TMEM117: variants seen among roughly 807,000 people sequenced by gnomAD.
The protein encoded by TMEM117 is transmembrane protein 117.
TMEM117 carries 27 observed loss-of-function variants against 52.4 expected under a neutral mutation model. The observed-to-expected ratio is 0.51, with a 90% CI of 0.38 to 0.71. The LOEUF (loss-of-function observed/expected upper bound fraction) is 0.71. Among genes scored for constraint, TMEM117 ranks in the 30% least tolerant of loss-of-function variants. The probability of loss-of-function intolerance (pLI) is 0.00; values close to 1 mark genes in which losing one functional copy is unlikely to be tolerated. For missense variants in TMEM117, 556 were observed against 630.5 expected, an observed-to-expected ratio of 0.88 and a Z score of 1.26; for synonymous variants, 215 against 206.3, an observed-to-expected ratio of 1.04 and a Z score of -0.36.
intron 5 of TMEM117, among the ~76,000 whole-genome samples, chr12:44,213,158 G>T (rs11612257): frequency 0.1 from 15,766 of 152,106 alleles, 921 homozygotes; most frequent in Middle Eastern, 0.2. Flanking sequence ...GCTTGAGGCA[G>T]CAGGCCAAAG....
At chr12:44,244,110 A>G (rs1359139614) in intron 5 of TMEM117, among the ~76,000 whole-genome samples, 2 of 151,966 alleles carry the variant, frequency 1.3e-5, no homozygotes, top group African/African-American at 4.8e-5. Flanking sequence ...CCTTTGACAT[A>G]CTAATTTCAA....
At chr12:44,115,402 A>G (rs1326940426) in intron 3 of TMEM117, among the ~76,000 whole-genome samples, 7 of 152,220 alleles carry the variant, frequency 4.6e-5, no homozygotes, top group Non-Finnish European at 1.0e-4. Flanking sequence ...GCACATGTAT[A>G]CATATGTACC....
At chr12:43,925,419 A>G (rs1944763401) in intron 2 of TMEM117, among the ~76,000 whole-genome samples, 1 of 152,114 alleles carries the variant, frequency 6.6e-6, no homozygotes, top group Non-Finnish European at 1.5e-5. Flanking sequence ...TAAAATCTCA[A>G]ACATTTATTT....
At chr12:44,197,389 A>C (rs1358031724) in intron 4 of TMEM117, among the ~76,000 whole-genome samples, 2 of 152,202 alleles carry the variant, frequency 1.3e-5, no homozygotes, top group Non-Finnish European at 2.9e-5. Flanking sequence ...TTAACAAAGC[A>C]GAGACGGTAT....
chr12:44,193,138 A>G (rs1000226765), intron 4 of TMEM117, among the ~76,000 whole-genome samples: 2 of 152,172 alleles, frequency 1.3e-5, no homozygotes, highest in African/African-American at 2.4e-5. Context: ...AGGACTAATG[A>G]TGAAAACTTG....
At chr12:43,798,511 A>G in the TMEM117 span, 1 of 1,451,838 alleles carries the variant, frequency 6.9e-7, no homozygotes, top group Non-Finnish European at 9.0e-7. Context: ...GAGATTCTAC[A>G]GCATAAATGA....
intron 2 of TMEM117, among the ~76,000 whole-genome samples, chr12:43,908,610 G>T (rs375308569): frequency 2.6e-4 from 40 of 151,646 alleles, no homozygotes; most frequent in East Asian, 2.0e-3. Flanking sequence ...CCATCTCACG[G>T]GCAGAGACAC....
At chr12:43,941,434 C>G (rs1205739166) in intron 2 of TMEM117, among the ~76,000 whole-genome samples, 1 of 152,178 alleles carries the variant, frequency 6.6e-6, no homozygotes, top group Non-Finnish European at 1.5e-5. Context: ...CAATTATAAA[C>G]CACTACTGTC....
chr12:43,942,767 A>G (rs1034562129), intron 2 of TMEM117, among the ~76,000 whole-genome samples: 7 of 152,308 alleles, frequency 4.6e-5, no homozygotes, highest in African/African-American at 1.7e-4. Context: ...ATTTCTTCCT[A>G]TGCTCAGTGA....
At chr12:44,344,452 C>A (rs1161369505) in intron 6 of TMEM117, among the ~76,000 whole-genome samples, 1 of 152,046 alleles carries the variant, frequency 6.6e-6, no homozygotes, top group Non-Finnish European at 1.5e-5. Context: ...GTTTTCATTT[C>A]TGCTAGGCCT....
chr12:44,244,481 A>G (rs548587250), intron 5 of TMEM117: 4 of 151,960 alleles, frequency 2.6e-5, no homozygotes, highest in Non-Finnish European at 5.9e-5. Context: ...AACATTAGGC[A>G]AACTAATGTG....
chr12:43,832,147 C>T (rs1171328626), upstream of TMEM117, among the ~76,000 whole-genome samples: 1 of 152,170 alleles, frequency 6.6e-6, no homozygotes, highest in African/African-American at 2.4e-5. Flanking sequence ...GAACTTCTAT[C>T]TGTACCCTTT....
chr12:44,372,513 G>A (rs1829143202), intron 6 of TMEM117, among the ~76,000 whole-genome samples: 1 of 151,790 alleles, frequency 6.6e-6, no homozygotes, highest in African/African-American at 2.4e-5. Context: ...CTATCCCTGG[G>A]GCAGTTGTTT....
At chr12:43,797,574 C>T in the TMEM117 span, 28 of 1,405,790 alleles carry the variant, frequency 2.0e-5, no homozygotes, top group Non-Finnish European at 2.6e-5. Context: ...GACTTTTTCA[C>T]AATGAACATT....
chr12:44,338,096 A>G (rs575822517), intron 6 of TMEM117, among the ~76,000 whole-genome samples: 3 of 152,108 alleles, frequency 2.0e-5, no homozygotes, highest in Non-Finnish European at 4.4e-5. Flanking sequence ...AAGGTTCATT[A>G]AAGCAGAATA....
chr12:44,074,604 G>C (rs990986814), intron 3 of TMEM117, among the ~76,000 whole-genome samples: 1 of 152,184 alleles, frequency 6.6e-6, no homozygotes, highest in Non-Finnish European at 1.5e-5. Flanking sequence ...TTGCTAGTAA[G>C]TAATAGAGAT....
chr12:43,957,745 T>C (rs1428071148), intron 3 of TMEM117, among the ~76,000 whole-genome samples: 1 of 152,210 alleles, frequency 6.6e-6, no homozygotes, highest in Admixed American at 6.5e-5. Context: ...TTCTGAATAA[T>C]TTCTTAGTAA....
chr12:44,233,502 C>T (rs2407818), intron 5 of TMEM117, among the ~76,000 whole-genome samples: 4,611 of 151,084 alleles, frequency 0.031, 103 homozygotes, highest in Admixed American at 0.044. Flanking sequence ...TTCATGGTCA[C>T]GTTTAATTAC....
chr12:44,202,896 C>A (rs1216428169), intron 4 of TMEM117, among the ~76,000 whole-genome samples: 1 of 151,872 alleles, frequency 6.6e-6, no homozygotes, highest in Non-Finnish European at 1.5e-5. Context: ...TCAAGCAATT[C>A]TCCTGCCTCA....
Sources: gnomAD v4.1 joint callset for allele counts (sites outside exome capture counted in the v4.1 genomes callset) on GRCh38, gnomAD v4.1.1 for gene constraint, MANE v1.5 for transcripts, NCBI Gene and HGNC (gene_info 2026-07-23, HGNC 2026-07-21) for gene names.